The following KIF16B variants were observed in gnomAD, a reference collection of about 807,000 sequenced individuals.
KIF16B encodes the protein kinesin family member 16B, also known as kinesin-like protein KIF16B.
Under a neutral mutation model 156.3 loss-of-function variants are expected in KIF16B, and 98 were observed. The ratio of observed to expected loss-of-function variants is 0.63; its 90% CI spans 0.53 to 0.74. The LOEUF (loss-of-function observed/expected upper bound fraction) is 0.74, where lower values mean the gene tolerates loss of function less well. Ranked by LOEUF, KIF16B falls within the 30% of genes least tolerant of loss-of-function variation. The pLI is 0.00. For missense variants in KIF16B, 1,421 were observed against 1,606.5 expected (o/e 0.88, Z 1.97); for synonymous variants, 564 against 583.7 (o/e 0.97, Z 0.49).
chr20:16,321,442 G>A (rs2063771993), intron 24 of KIF16B, among the ~76,000 whole-genome samples: 1 of 151,980 alleles, frequency 6.6e-6, no homozygotes, highest in Non-Finnish European at 1.5e-5. Context: ...CTGGAGCAAT[G>A]TATAAAAACT....
intron 22 of KIF16B, chr20:16,367,147 TAG>T: frequency 6.3e-7 from 1 of 1,588,492 alleles, no homozygotes; most frequent in African/African-American, 1.4e-5. Flanking sequence ...GTCTCCTCCT[TAG>T]AGTCTTGTCA....
chr20:16,501,459 T>G (rs182012451), intron 10 of KIF16B, among the ~76,000 whole-genome samples: 1 of 151,864 alleles, frequency 6.6e-6, no homozygotes, highest in African/African-American at 2.4e-5. Context: ...CTACTAAAAC[T>G]GAACATATGT....
At chr20:16,433,452 C>T (rs12481204) in intron 12 of KIF16B, among the ~76,000 whole-genome samples, 1 of 151,986 alleles carries the variant, frequency 6.6e-6, no homozygotes, top group Non-Finnish European at 1.5e-5. Context: ...ACTATTCTTT[C>T]TTTTTTTAAC....
intron 18 of KIF16B, 90 bp from the exon 19 acceptor site, chr20:16,380,253 AC>A: frequency 8.5e-7 from 1 of 1,178,886 alleles, no homozygotes; most frequent in Non-Finnish European, 1.1e-6. Flanking sequence ...TGCACATACA[AC>A]CAGGTCAAAG....
At chr20:16,567,444 T>C (rs1275905541) in intron 1 of KIF16B, among the ~76,000 whole-genome samples, 1 of 152,184 alleles carries the variant, frequency 6.6e-6, no homozygotes, top group East Asian at 1.9e-4. Flanking sequence ...GATTCTATTG[T>C]TATTTTTGTG....
At chr20:16,538,424 T>G (rs1026915628) in intron 1 of KIF16B, among the ~76,000 whole-genome samples, 3 of 152,110 alleles carry the variant, frequency 2.0e-5, no homozygotes, top group African/African-American at 7.2e-5. Flanking sequence ...TAGGGAAAAA[T>G]GAACTATGCC....
chr20:16,416,605 A>G (rs115274476), intron 15 of KIF16B, among the ~76,000 whole-genome samples: 181 of 152,196 alleles, frequency 1.2e-3, no homozygotes, highest in African/African-American at 4.2e-3. Context: ...ACCATCAGGA[A>G]AAATAGCTAA....
At chr20:16,346,242 A>G (rs2064232175) in intron 23 of KIF16B, among the ~76,000 whole-genome samples, 2 of 152,360 alleles carry the variant, frequency 1.3e-5, no homozygotes, top group South Asian at 4.1e-4. Flanking sequence ...CACATTGCAC[A>G]AGGAAAGGGC....
chr20:16,354,129 C>T (rs2064390958), intron 23 of KIF16B, among the ~76,000 whole-genome samples: 2 of 152,152 alleles, frequency 1.3e-5, no homozygotes, highest in Admixed American at 6.5e-5. Context: ...ACAATTTTGG[C>T]CAAATCTGCA....
chr20:16,512,882 G>C lies in KIF16B; in HGVS notation c.390C>G (p.Phe130Leu). ...ATCTGGTGGTTTCATTTATCCGACT[G>C]AAGAGTCCTTCACAGATCCGAGGTA... ...GLIPRICEGL[F>L]SRINETTRWD... The change falls in exon 5 of 26, where the codon TTC becomes TTG. Residue 130 changes from phenylalanine to leucine, a missense_variant. Transcript: ENST00000354981. 1 of 1,613,940 alleles carries C rather than the reference G, an allele frequency of 6.2e-7. No homozygotes were observed. The highest frequency in any genetic ancestry group is 8.5e-7 in the Non-Finnish European group (1 of 1,179,806).
intron 17 of KIF16B, among the ~76,000 whole-genome samples, chr20:16,391,725 G>T (rs2065370883): frequency 6.6e-6 from 1 of 152,132 alleles, no homozygotes; most frequent in South Asian, 2.1e-4. Context: ...AGGGAGGGTG[G>T]CCACAAGAGA....
chr20:16,287,766 C>G (rs1464701851), intron 25 of KIF16B, among the ~76,000 whole-genome samples: 1 of 152,206 alleles, frequency 6.6e-6, no homozygotes, highest in African/African-American at 2.4e-5. Flanking sequence ...CACAAATAGA[C>G]AATCCATATC....
intron 24 of KIF16B, among the ~76,000 whole-genome samples, chr20:16,319,224 G>A (rs2122772255): frequency 6.6e-6 from 1 of 152,236 alleles, no homozygotes; most frequent in Non-Finnish European, 1.5e-5. Context: ...TATCAATAAA[G>A]TATAGACATT....
At chr20:16,559,831 C>G (rs1276261457) in intron 1 of KIF16B, among the ~76,000 whole-genome samples, 2 of 152,018 alleles carry the variant, frequency 1.3e-5, no homozygotes, top group Non-Finnish European at 1.5e-5. Flanking sequence ...TTATCTTGGA[C>G]TGGATCCTGG....
chr20:16,508,706 G>A (rs1453765003), intron 6 of KIF16B, among the ~76,000 whole-genome samples: 1 of 152,114 alleles, frequency 6.6e-6, no homozygotes, highest in Non-Finnish European at 1.5e-5. Flanking sequence ...ACCAGTACCA[G>A]TCTGCAGCCC....
chr20:16,402,853 T>C lies in KIF16B; in HGVS notation c.1784+1960A>G, dbSNP rs2065689307. Among the ~76,000 whole-genome samples, 6 of 152,306 alleles carry C rather than the reference T, an allele frequency of 3.9e-5. No homozygotes were observed. In the South Asian group the frequency reaches 1.2e-3, roughly 32 times the overall value. ...TGAAAACTAGTAACTTTGACCTGCA[T>C]TTTGTAAACACTGAGGAAAACTATT... On this transcript the variant is annotated intron_variant, in intron 17 of 25. Coordinates refer to ENST00000354981, the MANE Select transcript of KIF16B (RefSeq NM_024704.5).
At chr20:16,431,426 G>A (rs1311162811) in intron 12 of KIF16B, among the ~76,000 whole-genome samples, 1 of 152,080 alleles carries the variant, frequency 6.6e-6, no homozygotes, top group Non-Finnish European at 1.5e-5. Context: ...CTCCTCTCCA[G>A]GGATAGAGGC....
At chr20:16,517,565 G>A (rs1223401736) in intron 3 of KIF16B, among the ~76,000 whole-genome samples, 1 of 152,144 alleles carries the variant, frequency 6.6e-6, no homozygotes, top group East Asian at 1.9e-4. Flanking sequence ...ACTGCATGCA[G>A]GACTTAGTTA....
intron 1 of KIF16B, among the ~76,000 whole-genome samples, chr20:16,532,577 A>G (rs187259279): frequency 4.7e-4 from 71 of 152,348 alleles, no homozygotes; most frequent in Middle Eastern, 3.4e-3. Context: ...TTACCAAAGC[A>G]TGTCCTGCTC....
Sources: gnomAD v4.1 joint callset for allele counts (sites outside exome capture counted in the v4.1 genomes callset) on GRCh38, gnomAD v4.1.1 for gene constraint, MANE v1.5 for transcripts, NCBI Gene and HGNC (gene_info 2026-07-23, HGNC 2026-07-21) for gene names.